Variants in ADAM19 observed in about 807,000 individuals in gnomAD.
ADAM19 encodes disintegrin and metalloproteinase domain-containing protein 19.
In ADAM19, 65 loss-of-function variants were observed where a neutral mutation model predicts 114.7. The ratio of observed to expected loss-of-function variants is 0.57; its 90% CI spans 0.46 to 0.70. ADAM19 has a LOEUF of 0.70. Among genes scored for constraint, ADAM19 ranks in the 30% least tolerant of loss-of-function variants. The pLI, the probability that ADAM19 is intolerant of heterozygous loss-of-function variation, is 0.00. For missense variants in ADAM19, 1,063 were observed against 1,204.7 expected, an observed-to-expected ratio of 0.88 and a Z score of 1.74; for synonymous variants, 466 against 460.5, an observed-to-expected ratio of 1.01 and a Z score of -0.15.
At chr5:157,487,575 G>T (rs1387328294) in intron 21 of ADAM19, among the ~76,000 whole-genome samples, 1 of 152,226 alleles carries the variant, frequency 6.6e-6, no homozygotes. Flanking sequence ...GGGATCTCCT[G>T]CAGAAGGTGT....
At chr5:157,573,256 C>A (rs897188844) in intron 1 of ADAM19, among the ~76,000 whole-genome samples, 2 of 152,112 alleles carry the variant, frequency 1.3e-5, no homozygotes, top group African/African-American at 4.8e-5. Flanking sequence ...AAGGCAAGAG[C>A]AAGCAAGATG....
chr5:157,538,517 G>A (rs1272322589), intron 3 of ADAM19, among the ~76,000 whole-genome samples: 1 of 152,238 alleles, frequency 6.6e-6, no homozygotes, highest in East Asian at 1.9e-4. Flanking sequence ...GAGAGATACT[G>A]CCAGGTCTGA....
At chr5:157,488,547 G>A in intron 20 of ADAM19, 58 bp from the exon 21 acceptor site, 6 of 1,380,738 alleles carry the variant, frequency 4.3e-6, no homozygotes, top group Non-Finnish European at 5.9e-6. Context: ...CTGGCCTTGT[G>A]TGTCTCTTTG....
At chr5:157,522,001 C>T (rs1349802637) in intron 5 of ADAM19, among the ~76,000 whole-genome samples, 3 of 152,194 alleles carry the variant, frequency 2.0e-5, no homozygotes, top group Non-Finnish European at 4.4e-5. Context: ...TGGAGGTTCA[C>T]AAGGCGCAAC....
At chr5:157,571,089 G>T in intron 1 of ADAM19, 109 bp from the exon 2 acceptor site, 1 of 891,130 alleles carries the variant, frequency 1.1e-6, no homozygotes, top group Non-Finnish European at 1.7e-6. Flanking sequence ...TAGAAGACTT[G>T]CTGGATTTCA....
At chr5:157,511,856 A>C (rs958240085) in intron 8 of ADAM19, among the ~76,000 whole-genome samples, 4 of 152,218 alleles carry the variant, frequency 2.6e-5, no homozygotes, top group Non-Finnish European at 5.9e-5. Flanking sequence ...CACAGGATGC[A>C]TGGGCCACCC....
At chr5:157,495,175 AT>A (rs1342724249) in intron 14 of ADAM19, among the ~76,000 whole-genome samples, 2 of 151,388 alleles carry the variant, frequency 1.3e-5, no homozygotes, top group South Asian at 2.1e-4. Context: ...TTATTTATTT[AT>A]TTTTTTTGTA....
chr5:157,507,277 T>A (rs1240762615), intron 9 of ADAM19, 137 bp from the exon 10 acceptor site: 1 of 751,314 alleles, frequency 1.3e-6, no homozygotes, highest in Non-Finnish European at 2.3e-6. Context: ...GAGAGGCCCT[T>A]GTAACCAGGC....
intron 6 of ADAM19, among the ~76,000 whole-genome samples, chr5:157,519,255 T>C (rs1055787556): frequency 1.6e-4 from 24 of 152,224 alleles, no homozygotes; most frequent in Non-Finnish European, 2.9e-4. Flanking sequence ...TGAATCAATA[T>C]GAGGACTGTG....
At chr5:157,487,743 C>T (rs905117698) in intron 21 of ADAM19, among the ~76,000 whole-genome samples, 4 of 152,180 alleles carry the variant, frequency 2.6e-5, no homozygotes, top group Non-Finnish European at 4.4e-5. Flanking sequence ...GGATACATCC[C>T]TAAGACTTTC....
intron 2 of ADAM19, chr5:157,566,468 T>G (rs1015601332): frequency 1.3e-5 from 2 of 152,188 alleles, no homozygotes; most frequent in Non-Finnish European, 2.9e-5. Context: ...AGAAAAGAAC[T>G]TTTTATTAAT....
chr5:157,536,095 C>T (rs931656330), intron 4 of ADAM19, among the ~76,000 whole-genome samples: 13 of 152,250 alleles, frequency 8.5e-5, no homozygotes, highest in African/African-American at 3.1e-4. Context: ...CTACCAACTC[C>T]TTCCCCATCC....
At position 157,509,378 on chromosome 5, in the gene ADAM19, A is replaced by C; in HGVS notation, c.828T>G (p.Tyr276Ter). 3 of 1,613,888 alleles carry C rather than the reference A, an allele frequency of 1.9e-6. No individual in the cohort carries two copies. The highest frequency in any genetic ancestry group is 2.5e-6 in the Non-Finnish European group (3 of 1,179,880). Residue 276 changes from tyrosine to a stop codon, truncating the protein, a stop_gained, in exon 9 of 23, where the codon TAT (tyrosine) becomes TAG (stop). Transcript: ENST00000257527. LOFTEE classifies it high-confidence loss of function. ...GNMCEVSENP[Y>*]STLWSFLSWR... Reference sequence around the variant, plus strand: ...AACTGAGAAAGGACCAGAGGGTAGAATATGGATTCTCTGAAACTTCACACA... The same window carrying C: ...AACTGAGAAAGGACCAGAGGGTAGACTATGGATTCTCTGAAACTTCACACA...
intron 14 of ADAM19, among the ~76,000 whole-genome samples, chr5:157,496,372 T>A (rs940589971): frequency 2.6e-5 from 4 of 152,192 alleles, no homozygotes; most frequent in Non-Finnish European, 4.4e-5. Context: ...AAATATATCC[T>A]CACATACATG....
At chr5:157,498,633 AATAC>A (rs1370047121) in intron 13 of ADAM19, among the ~76,000 whole-genome samples, 1 of 151,560 alleles carries the variant, frequency 6.6e-6, no homozygotes, top group East Asian at 2.0e-4. Flanking sequence ...CAGATATTGT[AATAC>A]ATAGGTCCAT....
chr5:157,517,941 G>A (rs1364243658), intron 7 of ADAM19, among the ~76,000 whole-genome samples: 1 of 152,182 alleles, frequency 6.6e-6, no homozygotes, highest in African/African-American at 2.4e-5. Flanking sequence ...CTGACAGTCT[G>A]GGATTCAGGA....
chr5:157,508,758 G>A (rs942423148), intron 9 of ADAM19, among the ~76,000 whole-genome samples: 3 of 152,082 alleles, frequency 2.0e-5, no homozygotes, highest in African/African-American at 7.2e-5. Context: ...TCTCTCCCAG[G>A]CTGATGAAAA....
chr5:157,495,452 G>C (rs996109457), intron 14 of ADAM19, among the ~76,000 whole-genome samples: 1 of 152,100 alleles, frequency 6.6e-6, no homozygotes, highest in African/African-American at 2.4e-5. Flanking sequence ...AAAGATATAA[G>C]TATGTCTTGG....
chr5:157,513,910 G>C (rs188230205), intron 7 of ADAM19, among the ~76,000 whole-genome samples: 1 of 152,220 alleles, frequency 6.6e-6, no homozygotes, highest in Non-Finnish European at 1.5e-5. Context: ...CAGATCTCAC[G>C]AGGCTTCCCT....
Sources: allele counts gnomAD v4.1 joint callset (sites outside exome capture counted in the v4.1 genomes callset), GRCh38; gene constraint gnomAD v4.1.1; transcripts MANE v1.5; gene names NCBI Gene and HGNC (gene_info 2026-07-23, HGNC 2026-07-21).